Variants in VAV3 observed in about 807,000 individuals in gnomAD.
VAV3 encodes vav guanine nucleotide exchange factor 3, also known as guanine nucleotide exchange factor VAV3.
A neutral mutation model predicts 131.2 loss-of-function variants in VAV3; 94 were observed. The observed-to-expected ratio is 0.72, with a 90% CI of 0.61 to 0.85. VAV3 has a LOEUF of 0.85. Among genes scored for constraint, VAV3 ranks in the 40% least tolerant of loss-of-function variants. The pLI, the probability that VAV3 is intolerant of heterozygous loss-of-function variation, is 0.00. For synonymous variants in VAV3, 349 were observed against 342.0 expected (o/e 1.02, Z -0.22); for missense variants, 939 against 1,002.7 (o/e 0.94, Z 0.86).
At chr1:107,810,205 G>A (rs748250149) in intron 2 of VAV3, among the ~76,000 whole-genome samples, 1 of 152,138 alleles carries the variant, frequency 6.6e-6, no homozygotes. Flanking sequence ...TTTGGGGGCT[G>A]GGAAGATTCA....
At chr1:107,706,230 T>C (rs1660445439) in intron 15 of VAV3, among the ~76,000 whole-genome samples, 1 of 152,090 alleles carries the variant, frequency 6.6e-6, no homozygotes, top group Non-Finnish European at 1.5e-5. Flanking sequence ...TTTTATAGAA[T>C]ACAGCAACTC....
chr1:107,766,155 G>A (rs938645626), intron 8 of VAV3, among the ~76,000 whole-genome samples: 1 of 152,198 alleles, frequency 6.6e-6, no homozygotes, highest in South Asian at 2.1e-4. Flanking sequence ...AGATTACATC[G>A]CTCAGTAATG....
intron 2 of VAV3, among the ~76,000 whole-genome samples, chr1:107,872,634 A>G (rs1301622713): frequency 6.6e-6 from 1 of 152,202 alleles, no homozygotes; most frequent in Non-Finnish European, 1.5e-5. Flanking sequence ...TGGGAAAAAT[A>G]ATAGTATCCA....
intron 17 of VAV3, among the ~76,000 whole-genome samples, chr1:107,700,817 G>A (rs1309243035): frequency 6.6e-6 from 1 of 152,160 alleles, no homozygotes; most frequent in African/African-American, 2.4e-5. Flanking sequence ...TATATGCCTA[G>A]TAATGGGATT....
intron 2 of VAV3, chr1:107,785,340 T>C (rs764680899): frequency 6.4e-4 from 637 of 999,616 alleles, no homozygotes; most frequent in Non-Finnish European, 8.0e-4. Flanking sequence ...GGATTTATCT[T>C]CTTGAGTTCT....
chr1:107,772,856 A>C lies in VAV3; in HGVS notation c.447-13T>G. 3.7e-6 allele frequency: 6 copies of C among 1,605,610 alleles called. No individual in the cohort carries two copies. The highest frequency in any genetic ancestry group is 5.1e-6 in the Non-Finnish European group (6 of 1,173,774). ...CACAAGGGTTTCACTACAACAAAGGATATCATATAAGGTCATTTTCTATTA... is the reference window on the plus strand; with the variant it reads ...CACAAGGGTTTCACTACAACAAAGGCTATCATATAAGGTCATTTTCTATTA... On this transcript the variant is annotated splice_polypyrimidine_tract_variant and intron_variant, in intron 4 of 26. Transcript: ENST00000370056.
At chr1:107,943,788 G>T (rs1218818680) in intron 1 of VAV3, among the ~76,000 whole-genome samples, 3 of 152,162 alleles carry the variant, frequency 2.0e-5, no homozygotes, top group African/African-American at 7.2e-5. Context: ...ACAGTTTGAA[G>T]TCGTGGCCTA....
chr1:107,944,213 C>T (rs575817701), intron 1 of VAV3, among the ~76,000 whole-genome samples: 1 of 152,312 alleles, frequency 6.6e-6, no homozygotes. Flanking sequence ...GGATGCCGGA[C>T]CCCCTCTCAT....
intron 25 of VAV3, 97 bp downstream of exon 25, chr1:107,596,115 T>G: frequency 6.1e-6 from 9 of 1,473,396 alleles, no homozygotes; most frequent in Non-Finnish European, 7.3e-6. Context: ...AGCGCATCCA[T>G]TGGTTATATT....
rs551733696 is a variant in VAV3 at position 107,850,921 on chromosome 1, G to GT, written c.321+23979dup. ...AGTGGGAAACCAAGCAACAGTACAG[G>GT]TAAGTGTGCCCTTGGCATTGCCCTC... On this transcript the variant is annotated intron_variant, in intron 2 of 26. Transcript: ENST00000370056. Among the ~76,000 whole-genome samples, 3 of 152,060 alleles carry GT rather than the reference G, an allele frequency of 2.0e-5. No homozygotes were observed. In the South Asian group the frequency reaches 6.2e-4, roughly 32 times the overall value.
At chr1:107,826,630 G>A (rs1238577615) in intron 2 of VAV3, among the ~76,000 whole-genome samples, 1 of 152,154 alleles carries the variant, frequency 6.6e-6, no homozygotes, top group Non-Finnish European at 1.5e-5. Flanking sequence ...TCCAATGTTA[G>A]CGAAAGTCAA....
At chr1:107,772,564 C>T (rs1312608961) in intron 5 of VAV3, among the ~76,000 whole-genome samples, 171 bp downstream of exon 5, 1 of 152,032 alleles carries the variant, frequency 6.6e-6, no homozygotes, top group Admixed American at 6.6e-5. Context: ...TTGTTTTGAA[C>T]TCTGAAAGGT....
At chr1:107,897,218 A>G (rs920112292) in intron 1 of VAV3, 2 of 151,306 alleles carry the variant, frequency 1.3e-5, no homozygotes, top group Non-Finnish European at 3.0e-5. Flanking sequence ...GAACAACTAA[A>G]TTAATAAATG....
chr1:107,613,593 C>G (rs986100687), intron 21 of VAV3, among the ~76,000 whole-genome samples: 1 of 151,916 alleles, frequency 6.6e-6, no homozygotes, highest in African/African-American at 2.4e-5. Flanking sequence ...TTTCTTAAAC[C>G]ATGTTAAGTA....
chr1:107,597,734 T>C (rs1382892994), intron 24 of VAV3, among the ~76,000 whole-genome samples: 1 of 152,136 alleles, frequency 6.6e-6, no homozygotes, highest in Non-Finnish European at 1.5e-5. Context: ...GCTAAAGCAT[T>C]GGATAAGGGA....
intron 25 of VAV3, among the ~76,000 whole-genome samples, chr1:107,587,015 G>A (rs777776528): frequency 7.9e-5 from 12 of 152,076 alleles, no homozygotes; most frequent in Non-Finnish European, 1.5e-4. Flanking sequence ...GTTACAGAAC[G>A]TTTAAAAAAA....
chr1:107,812,573 G>T (rs934565784), intron 2 of VAV3, among the ~76,000 whole-genome samples: 11 of 151,942 alleles, frequency 7.2e-5, no homozygotes, highest in African/African-American at 2.4e-4. Context: ...ATTCAATTCC[G>T]TATGGTGAAT....
At chr1:107,862,995 A>G (rs1669810234) in intron 2 of VAV3, among the ~76,000 whole-genome samples, 1 of 152,208 alleles carries the variant, frequency 6.6e-6, no homozygotes, top group Non-Finnish European at 1.5e-5. Flanking sequence ...GAACAAAGGG[A>G]AAATTTAGGA....
chr1:107,671,370 C>G (rs1204921729), intron 19 of VAV3, among the ~76,000 whole-genome samples: 1 of 152,206 alleles, frequency 6.6e-6, no homozygotes, highest in African/African-American at 2.4e-5. Context: ...CTGCTTACAA[C>G]CGACTTCTCC....
Sources: gnomAD v4.1 joint callset for allele counts (sites outside exome capture counted in the v4.1 genomes callset) on GRCh38, gnomAD v4.1.1 for gene constraint, MANE v1.5 for transcripts, NCBI Gene and HGNC (gene_info 2026-07-23, HGNC 2026-07-21) for gene names.